The following DAB1 variants were observed in gnomAD, a reference collection of about 807,000 sequenced individuals.
DAB1 encodes DAB adaptor protein 1, also known as disabled homolog 1.
In DAB1, 15 loss-of-function variants were observed where a neutral mutation model predicts 64.6. The ratio of observed to expected loss-of-function variants is 0.23; its 90% confidence interval spans 0.16 to 0.36. The LOEUF is 0.36. DAB1 is among the 10% of genes least tolerant of loss of function. The pLI, the probability that DAB1 is intolerant of heterozygous loss-of-function variation, is 1.00. For missense variants in DAB1, 596 were observed against 706.7 expected (o/e 0.84, Z 1.78); for synonymous variants, 235 against 251.9 (o/e 0.93, Z 0.64).
intron 5 of DAB1, among the ~76,000 whole-genome samples, chr1:57,962,400 T>A (rs1401831904): frequency 6.6e-6 from 1 of 152,162 alleles, no homozygotes; most frequent in East Asian, 1.9e-4. Flanking sequence ...TCTAGCCATT[T>A]TCTCCAATAA....
intron 2 of DAB1, among the ~76,000 whole-genome samples, chr1:57,230,238 A>AACCATTTGTTTTGCTTTC (rs1667563731): frequency 6.6e-6 from 1 of 152,060 alleles, no homozygotes; most frequent in Non-Finnish European, 1.5e-5. Context: ...AGATTGCTTT[A>AACCATTTGTTTTGCTTTC]ACCATTTGTT....
chr1:58,315,770 A>C (rs1662544678), intron 4 of DAB1, among the ~76,000 whole-genome samples: 1 of 152,186 alleles, frequency 6.6e-6, no homozygotes, highest in South Asian at 2.1e-4. Flanking sequence ...GACAAAGAGA[A>C]GCTGATCTTT....
chr1:58,434,336 C>T (rs902292271), intron 3 of DAB1, among the ~76,000 whole-genome samples: 3 of 150,256 alleles, frequency 2.0e-5, no homozygotes, highest in Non-Finnish European at 4.4e-5. Context: ...TCTGTGAATA[C>T]AGTAGTAGCT....
At chr1:58,380,204 C>T (rs552499670) in intron 3 of DAB1, among the ~76,000 whole-genome samples, 1 of 152,312 alleles carries the variant, frequency 6.6e-6, no homozygotes, top group African/African-American at 2.4e-5. Context: ...GAAGGAGGGA[C>T]ATGGTGGGAG....
chr1:57,570,115 C>G (rs1341768933), intron 7 of DAB1, among the ~76,000 whole-genome samples: 1 of 152,076 alleles, frequency 6.6e-6, no homozygotes, highest in Non-Finnish European at 1.5e-5. Context: ...ACATTTGAGT[C>G]AGTCGGCCGG....
intron 4 of DAB1, among the ~76,000 whole-genome samples, chr1:57,089,871 A>C (rs777784587): frequency 7.9e-5 from 12 of 152,204 alleles, no homozygotes; most frequent in Non-Finnish European, 1.3e-4. Context: ...TTGTGAACAC[A>C]CAAGAGCATT....
chr1:57,366,404 A>T (rs974326853), intron 1 of DAB1, among the ~76,000 whole-genome samples: 4 of 152,184 alleles, frequency 2.6e-5, no homozygotes, highest in Non-Finnish European at 5.9e-5. Flanking sequence ...TCCACATAAC[A>T]ATTTGTAAGT....
At chr1:57,240,074 T>C (rs901599729) in intron 2 of DAB1, among the ~76,000 whole-genome samples, 2 of 152,232 alleles carry the variant, frequency 1.3e-5, no homozygotes, top group South Asian at 4.1e-4. Context: ...TTAGACGTAA[T>C]GTCTTTATGC....
intron 1 of DAB1, among the ~76,000 whole-genome samples, chr1:58,532,339 A>G (rs990519359): frequency 3.9e-5 from 6 of 152,162 alleles, no homozygotes; most frequent in South Asian, 2.1e-4. Context: ...ATGACAATAC[A>G]CTGAATATAA....
In DAB1 at chr1:58,082,956, C is replaced by G. The variant is rs745526881; in HGVS notation, n.387+67555G>C. ...AAATTTACTCTTCTCTGGCAAAATC[C>G]AGTCAAGTGGCTTGGAGGAGAAAAT... On this transcript the variant is annotated intron_variant and non_coding_transcript_variant, in intron 5 of 20. Coordinates refer to the DAB1 transcript ENST00000485760. 3.7e-4 allele frequency among the ~76,000 whole-genome samples: 56 copies of G among 152,258 alleles called. 1 individual carries two copies. Among genetic ancestry groups the G allele is most frequent in the Admixed American group, 2.4e-3 (36 of 15,296 alleles).
chr1:57,421,363 G>A (rs986208004), intron 1 of DAB1, among the ~76,000 whole-genome samples: 2 of 152,104 alleles, frequency 1.3e-5, no homozygotes, highest in East Asian at 1.9e-4. Flanking sequence ...ATGATTAAAT[G>A]TTTCAGATAT....
At chr1:57,380,700 T>C (rs116043528) in intron 1 of DAB1, among the ~76,000 whole-genome samples, 341 of 152,278 alleles carry the variant, frequency 2.2e-3, no homozygotes, top group African/African-American at 7.6e-3. Flanking sequence ...AGCACACTAA[T>C]AACATGTTAC....
At chr1:57,143,246 T>C (rs144283487) in intron 3 of DAB1, among the ~76,000 whole-genome samples, 288 of 152,296 alleles carry the variant, frequency 1.9e-3, no homozygotes, top group Middle Eastern at 3.4e-3. Flanking sequence ...CCAAGTGGAA[T>C]AGCTCATCTC....
intron 2 of DAB1, among the ~76,000 whole-genome samples, chr1:57,225,418 G>A (rs1046253617): frequency 2.6e-5 from 4 of 152,160 alleles, no homozygotes; most frequent in Admixed American, 2.0e-4. Context: ...TAGTGTCAGA[G>A]AACGGTGCTG....
At chr1:57,438,187 G>C (rs1485345285) in intron 7 of DAB1, among the ~76,000 whole-genome samples, 1 of 151,876 alleles carries the variant, frequency 6.6e-6, no homozygotes, top group African/African-American at 2.4e-5. Context: ...GCTAAAGAAT[G>C]TCTAACACAA....
chr1:58,025,695 A>G (rs1646884178), intron 5 of DAB1, among the ~76,000 whole-genome samples: 1 of 133,082 alleles, frequency 7.5e-6, no homozygotes, highest in South Asian at 2.4e-4. Flanking sequence ...ATGGCCTTTA[A>G]TCATAAATTT....
At chr1:58,397,465 C>T (rs138462964) in intron 3 of DAB1, among the ~76,000 whole-genome samples, 32 of 152,152 alleles carry the variant, frequency 2.1e-4, no homozygotes, top group African/African-American at 7.5e-4. Flanking sequence ...TTACCTCTCT[C>T]GTCAACCCTC....
At chr1:57,500,941 G>A (rs1644283089) in intron 7 of DAB1, among the ~76,000 whole-genome samples, 1 of 152,182 alleles carries the variant, frequency 6.6e-6, no homozygotes, top group Admixed American at 6.5e-5. Flanking sequence ...AGGAAATAAT[G>A]CTTTAGTCTC....
chr1:57,010,353 A>T (rs1392278633), intron 14 of DAB1, among the ~76,000 whole-genome samples: 1 of 152,152 alleles, frequency 6.6e-6, no homozygotes, highest in African/African-American at 2.4e-5. Context: ...TTAATAAAAT[A>T]ATATGATCAG....
Sources: allele counts gnomAD v4.1 joint callset (sites outside exome capture counted in the v4.1 genomes callset), GRCh38; gene constraint gnomAD v4.1.1; transcripts MANE v1.5; gene names NCBI Gene and HGNC (gene_info 2026-07-23, HGNC 2026-07-21).